Variants in TMEM150C observed in about 807,000 individuals in gnomAD.
The protein encoded by TMEM150C is transmembrane protein 150C.
TMEM150C carries 10 observed loss-of-function variants against 29.9 expected under a neutral mutation model. The observed-to-expected ratio is 0.33, with a 90% CI of 0.21 to 0.57. The LOEUF is 0.57. TMEM150C is among the 20% of genes least tolerant of loss of function. The pLI, the probability that TMEM150C is intolerant of heterozygous loss-of-function variation, is 0.88. For missense variants in TMEM150C, 251 were observed against 303.6 expected (o/e 0.83, Z 1.29); for synonymous variants, 101 against 112.5 (o/e 0.90, Z 0.64).
intron 1 of TMEM150C, among the ~76,000 whole-genome samples, chr4:82,553,212 G>A (rs1373685221): frequency 6.6e-6 from 1 of 152,054 alleles, no homozygotes; most frequent in African/African-American, 2.4e-5. Context: ...CAAAATAGCT[G>A]ACTCCTATCG....
chr4:82,536,272 C>T (rs546835710), intron 1 of TMEM150C, among the ~76,000 whole-genome samples: 6 of 150,172 alleles, frequency 4.0e-5, no homozygotes, highest in Middle Eastern at 6.9e-3. Context: ...GCAGGAGAAT[C>T]GCTTGAACCC....
intron 1 of TMEM150C, among the ~76,000 whole-genome samples, chr4:82,520,504 G>A (rs751858272): frequency 5.3e-5 from 8 of 152,130 alleles, no homozygotes; most frequent in Non-Finnish European, 1.0e-4. Flanking sequence ...CCAAAATCCT[G>A]AGCCAAAATA....
chr4:82,530,084 ATCTCTC>A (rs144911438), intron 1 of TMEM150C, among the ~76,000 whole-genome samples: 6,531 of 147,192 alleles, frequency 0.044, 478 homozygotes, highest in African/African-American at 0.15. Context: ...CTCTCTTTCA[ATCTCTC>A]TCTCTCTCTC....
At chr4:82,536,340 G>A (rs1725002791) in intron 1 of TMEM150C, among the ~76,000 whole-genome samples, 2 of 130,258 alleles carry the variant, frequency 1.5e-5, no homozygotes, top group African/African-American at 5.5e-5. Flanking sequence ...CCTGGCAACA[G>A]AGCGAGACTC....
At chr4:82,519,354 T>C (rs1182035272) in intron 1 of TMEM150C, among the ~76,000 whole-genome samples, 1 of 152,136 alleles carries the variant, frequency 6.6e-6, no homozygotes, top group Non-Finnish European at 1.5e-5. Flanking sequence ...CCCCAAGAGA[T>C]GCCTGAAATC....
intron 6 of TMEM150C, among the ~76,000 whole-genome samples, chr4:82,493,185 C>G (rs1453726560): frequency 6.6e-6 from 1 of 151,714 alleles, no homozygotes; most frequent in Non-Finnish European, 1.5e-5. Context: ...TTTCCTTTTA[C>G]AATTTTTTCT....
chr4:82,508,729 G>A (rs1724020137), intron 1 of TMEM150C, among the ~76,000 whole-genome samples: 1 of 152,116 alleles, frequency 6.6e-6, no homozygotes. Context: ...GCCTCCCAAA[G>A]TGCTGGGATT....
intron 7 of TMEM150C, among the ~76,000 whole-genome samples, chr4:82,487,335 G>T (rs1169794902): frequency 2.6e-5 from 4 of 152,178 alleles, no homozygotes; most frequent in Non-Finnish European, 5.9e-5. Flanking sequence ...TGTAATCCCA[G>T]CTACTCTCTA....
At chr4:82,544,108 A>G (rs1414917046) in intron 1 of TMEM150C, among the ~76,000 whole-genome samples, 2 of 152,234 alleles carry the variant, frequency 1.3e-5, no homozygotes, top group African/African-American at 4.8e-5. Context: ...CATCAAGTGC[A>G]GTAAATATTC....
At chr4:82,521,194 T>A (rs1364704906) in intron 1 of TMEM150C, among the ~76,000 whole-genome samples, 1 of 152,196 alleles carries the variant, frequency 6.6e-6, no homozygotes, top group Non-Finnish European at 1.5e-5. Context: ...CTGCTATATT[T>A]TTCTCCATAG....
intron 1 of TMEM150C, among the ~76,000 whole-genome samples, chr4:82,534,837 G>A (rs1219215097): frequency 1.3e-5 from 2 of 152,092 alleles, no homozygotes; most frequent in Non-Finnish European, 2.9e-5. Context: ...GAGCCATGAA[G>A]GGGGCTGGCC....
At chr4:82,493,387 T>A (rs1048257617) in intron 6 of TMEM150C, among the ~76,000 whole-genome samples, 32 of 152,288 alleles carry the variant, frequency 2.1e-4, no homozygotes, top group African/African-American at 7.7e-4. Flanking sequence ...GATAATATAG[T>A]TACATAGTTA....
At chr4:82,487,232 T>A (rs1723193531) in intron 7 of TMEM150C, among the ~76,000 whole-genome samples, 1 of 151,624 alleles carries the variant, frequency 6.6e-6, no homozygotes, top group Non-Finnish European at 1.5e-5. Context: ...GTGTATCACT[T>A]GAGCCCAGTA....
chr4:82,507,657 A>G, intron 1 of TMEM150C, among the ~76,000 whole-genome samples: 1 of 149,164 alleles, frequency 6.7e-6, no homozygotes, highest in Non-Finnish European at 1.5e-5. Flanking sequence ...TGACAAGTTC[A>G]GATACCTGAC....
In TMEM150C at chr4:82,561,974, G is replaced by A; in HGVS notation, c.-79C>T. 1 of 1,108,168 alleles carries A rather than the reference G, an allele frequency of 9.0e-7. No individual in the cohort carries two copies. 68.6% of individuals were successfully genotyped at this position (1,108,168 alleles called of 1,614,324 possible). On this transcript the variant is annotated 5_prime_UTR_variant, in exon 1 of 8. Coordinates refer to ENST00000449862, the MANE Select transcript of TMEM150C (RefSeq NM_001080506.3). ...ACCTGCTGCGGTGGCGGCGGCGGCA[G>A]CAGTAGCGGCGGGTAGGGCGCTTCC...
At chr4:82,501,831 T>C (rs987519620) in intron 5 of TMEM150C, among the ~76,000 whole-genome samples, 2 of 152,158 alleles carry the variant, frequency 1.3e-5, no homozygotes, top group Non-Finnish European at 2.9e-5. Context: ...AACAGGTTAC[T>C]TCTTTGGGAG....
intron 1 of TMEM150C, among the ~76,000 whole-genome samples, chr4:82,539,618 A>G (rs1933843534): frequency 6.6e-6 from 1 of 152,068 alleles, no homozygotes; most frequent in African/African-American, 2.4e-5. Flanking sequence ...ACGCCCGGCT[A>G]ATTTTTTGTA....
chr4:82,536,549 G>A (rs1695740549), intron 1 of TMEM150C, among the ~76,000 whole-genome samples: 1 of 151,878 alleles, frequency 6.6e-6, no homozygotes, highest in African/African-American at 2.4e-5. Context: ...TTTAGCTAAT[G>A]TCTGGATAGG....
chr4:82,551,640 A>G (rs1339129554), intron 1 of TMEM150C, among the ~76,000 whole-genome samples: 2 of 151,998 alleles, frequency 1.3e-5, no homozygotes, highest in Non-Finnish European at 2.9e-5. Context: ...TTTTGATCCT[A>G]TAAGACTCAG....
Sources: allele counts gnomAD v4.1 joint callset (sites outside exome capture counted in the v4.1 genomes callset), GRCh38; gene constraint gnomAD v4.1.1; transcripts MANE v1.5; gene names NCBI Gene and HGNC (gene_info 2026-07-23, HGNC 2026-07-21).